SEMG1: variants seen among roughly 807,000 people sequenced by gnomAD.
SEMG1 encodes the protein semenogelin 1.
In SEMG1, 6 loss-of-function variants were observed where a neutral mutation model predicts 8.8. The observed-to-expected ratio is 0.68, with a 90% CI of 0.37 to 1.35. The LOEUF (loss-of-function observed/expected upper bound fraction) is 1.35. Among genes scored for constraint, SEMG1 ranks in the 40% most tolerant of loss-of-function variants. The pLI is 0.02. For missense variants in SEMG1, 580 were observed against 533.6 expected, an observed-to-expected ratio of 1.09 and a Z score of -0.86; for synonymous variants, 221 against 190.3, an observed-to-expected ratio of 1.16 and a Z score of -1.33.
rs199781597 is a variant in SEMG1, at chr20:45,207,575, C to T, written c.278C>T (p.Thr93Met). ...QQYDLNALHKTTKSQRHLGGS... is the reference protein window; with the variant it reads ...QQYDLNALHKMTKSQRHLGGS... ...TATGATTTGAATGCCCTACATAAGA[C>T]GACAAAATCACAACGACATCTAGGT... Residue 93 changes from threonine to methionine, a missense_variant, in exon 2 of 3, where the codon ACG (threonine) becomes ATG (methionine). Physicochemically the swap from Thr to Met is moderately conservative, Grantham distance 81. Coordinates refer to ENST00000372781, the MANE Select transcript of SEMG1 (RefSeq NM_003007.5). The T allele has an allele frequency of 3.2e-5, 52 of 1,613,390 alleles. No individual in the cohort carries two copies. The highest frequency in any genetic ancestry group is 1.6e-4 in the Middle Eastern group (1 of 6,080).
chr20:45,207,715 C>A lies in SEMG1; in HGVS notation c.418C>A (p.Gln140Lys). 1.9e-6 allele frequency: 3 copies of A among 1,613,918 alleles called. No individual in the cohort carries two copies. Among genetic ancestry groups the A allele is most frequent in the African/African-American group, 1.3e-5 (1 of 74,994 alleles). ...HKGGKAHRGT[Q>K]NPSQDQGNSP... ...AGGAGGCAAAGCTCATCGTGGGACA[C>A]AAAATCCTTCTCAAGATCAGGGGAA... The change falls in exon 2 of 3, where the codon CAA (glutamine) becomes AAA (lysine). Residue 140 changes from glutamine to lysine, a missense_variant. By Grantham distance (53) the Gln-to-Lys change is moderately conservative. Coordinates refer to ENST00000372781, the MANE Select transcript of SEMG1 (RefSeq NM_003007.5).
intron 2 of SEMG1, among the ~76,000 whole-genome samples, 160 bp from the exon 3 acceptor site, chr20:45,209,441 A>T (rs964724609): frequency 6.6e-6 from 1 of 152,206 alleles, no homozygotes; most frequent in African/African-American, 2.4e-5. Context: ...AGAGAGGGCA[A>T]GCAGTAGAAA....
Position 45,208,812 on chromosome 20 carries a change from T to C in SEMG1, c.*44+82T>C, listed in dbSNP as rs2233890. 462 of 679,402 alleles carry C rather than the reference T, an allele frequency of 6.8e-4. 1 individual carries two copies. In the African/African-American group the frequency reaches 7.6e-3, roughly 11 times the overall value. 42.1% of individuals were successfully genotyped at this position (679,402 alleles called of 1,614,324 possible). ...GGACTCTCCAGGACTTTTGTGGGAT[T>C]GATAACCATTGTTCGCACCAATAGA... On this transcript the variant is annotated intron_variant, in intron 2 of 2. Coordinates refer to ENST00000372781, the MANE Select transcript of SEMG1 (RefSeq NM_003007.5).
rs779707619 is a variant in SEMG1 at position 45,207,966 on chromosome 20, G to T, written c.669G>T (p.Val223=). Residue 223 remains valine, a synonymous_variant, in exon 2 of 3, where the codon GTG becomes GTT. Transcript: ENST00000372781. The part of the protein sequence containing the change: ...SHQNKGHYQN[V]VEVREEHSSK... ...AAAATAAAGGGCATTACCAAAATGT[G>T]GTTGAAGTGAGAGAGGAACATTCAA... The T allele has an allele frequency of 6.2e-7, 1 of 1,613,920 alleles. No individual in the cohort carries two copies. Among genetic ancestry groups the T allele is most frequent in the Non-Finnish European group, 8.5e-7 (1 of 1,179,956 alleles).
Position 45,207,501 on chromosome 20 carries a change from A to G in SEMG1, c.204A>G (p.Thr68=), listed in dbSNP as rs1983720431. 6.2e-7 allele frequency: 1 copy of G among 1,613,932 alleles called. No homozygotes were observed. ...AAGGCAGTTTTTCTATTCAATACAC[A>G]TATCATGTAGATGCCAATGATCATG... ...ESKGSFSIQY[T]YHVDANDHDQ... is the part of the protein sequence containing the mutation. The change falls in exon 2 of 3, where the codon ACA becomes ACG. Residue 68 remains threonine (T), a synonymous_variant. Coordinates refer to ENST00000372781, the MANE Select transcript of SEMG1 (RefSeq NM_003007.5).
Position 45,207,929 on chromosome 20 carries a change from A to C in SEMG1, c.632A>C (p.Lys211Thr), listed in dbSNP as rs766630735. 3 of 1,613,968 alleles carry C rather than the reference A, an allele frequency of 1.9e-6. No homozygotes were observed. The African/African-American group carries it at 4.0e-5, about 22-fold the overall frequency. The change falls in exon 2 of 3, where the codon AAA becomes ACA. Residue 211 changes from lysine to threonine, a missense_variant. Physicochemically the swap from Lys to Thr is moderately conservative, Grantham distance 78. Transcript: ENST00000372781. ...LVANKQQRET[K>T]NSHQNKGHYQ... ...GCTAACAAACAACAACGTGAGACTA[A>C]AAATTCTCATCAAAATAAAGGGCAT...
Position 45,208,194 on chromosome 20 carries a change from C to A in SEMG1, c.897C>A (p.His299Gln). The change falls in exon 2 of 3, where the codon CAC (histidine) becomes CAA (glutamine). Residue 299 changes from histidine to glutamine, a missense_variant. By Grantham distance (24) the His-to-Gln change is conservative (BLOSUM62 0). Transcript: ENST00000372781. ...CAAGTACAGAAGAAAGACGACTCCA[C>A]TATGGAGAAAATGGTGTGCAGAAAG... Reference protein sequence around the residue: ...QSSSTEERRLHYGENGVQKDV... With the variant: ...QSSSTEERRLQYGENGVQKDV... 6.2e-7 allele frequency: 1 copy of A among 1,613,506 alleles called. No homozygotes were observed. The highest frequency in any genetic ancestry group is 8.5e-7 in the Non-Finnish European group (1 of 1,179,718).
rs118141785 is a variant in SEMG1, at chr20:45,207,599, G to A, written c.302G>A (p.Gly101Asp). The A allele has an allele frequency of 3.5e-3, 5,651 of 1,613,610 alleles. 11 individuals carry two copies. Among genetic ancestry groups the A allele is most frequent in the Non-Finnish European group, 4.5e-3 (5,258 of 1,179,784 alleles). Residue 101 changes from glycine (G) to aspartate (D), a missense_variant, in exon 2 of 3, where the codon GGT becomes GAT. Coordinates refer to ENST00000372781, the MANE Select transcript of SEMG1 (RefSeq NM_003007.5). ...ACGACAAAATCACAACGACATCTAG[G>A]TGGAAGTCAACAACTGCTCCATAAT... is the stretch of plus-strand genomic sequence containing the variant. ...HKTTKSQRHL[G>D]GSQQLLHNKQ...
At position 45,207,924 on chromosome 20, in the gene SEMG1, G is replaced by A. The variant is rs1983739338; in HGVS notation, c.627G>A (p.Glu209=). 1.9e-6 allele frequency: 3 copies of A among 1,614,006 alleles called. No individual in the cohort carries two copies. In the East Asian group the frequency reaches 6.7e-5, roughly 36 times the overall value. Residue 209 remains glutamate (E), a synonymous_variant, in exon 2 of 3, where the codon GAG becomes GAA. Transcript: ENST00000372781. Reference sequence around the variant, plus strand: ...TAGTAGCTAACAAACAACAACGTGAGACTAAAAATTCTCATCAAAATAAAG... The same window carrying A: ...TAGTAGCTAACAAACAACAACGTGAAACTAAAAATTCTCATCAAAATAAAG... ...EELVANKQQR[E]TKNSHQNKGH... is the part of the protein sequence containing the mutation.
At position 45,208,731 on chromosome 20, in the gene SEMG1, G is replaced by T; in HGVS notation, c.*44+1G>T. ...TGTGAAAGGATGGACCAATATCAAGGTAATTTTTTTTTAGCAAATAGGGGA... is the reference window on the plus strand; with the variant it reads ...TGTGAAAGGATGGACCAATATCAAGTTAATTTTTTTTTAGCAAATAGGGGA... On this transcript the variant is annotated splice_donor_variant, in intron 2 of 2. Coordinates refer to ENST00000372781, the MANE Select transcript of SEMG1 (RefSeq NM_003007.5). LOFTEE classifies it low-confidence loss of function (3UTR_SPLICE). 1 of 1,405,152 alleles carries T rather than the reference G, an allele frequency of 7.1e-7. No individual in the cohort carries two copies. Among genetic ancestry groups the T allele is most frequent in the South Asian group, 1.3e-5 (1 of 74,118 alleles). The allele number at this position is 1,405,152 out of a possible 1,614,324, so 87.0% of individuals were successfully genotyped here.
chr20:45,207,193 G>C, intron 1 of SEMG1, 64 bp downstream of exon 1: 1 of 1,602,266 alleles, frequency 6.2e-7, no homozygotes, highest in Non-Finnish European at 8.5e-7. Context: ...AGATTATTTG[G>C]GGTGCAAACA....
In SEMG1 at chr20:45,207,116, G is replaced by A; in HGVS notation, c.63G>A (p.Val21=). ...TCATCTTGGAGAAGCAAGCAGCTGTGATGGGACAAAAAGGTGAGTGGAGAG... is the reference window on the plus strand; with the variant it reads ...TCATCTTGGAGAAGCAAGCAGCTGTAATGGGACAAAAAGGTGAGTGGAGAG... The part of the protein sequence containing the change: ...LLLILEKQAA[V]MGQKGGSKGR... Residue 21 remains valine (V), a synonymous_variant, in exon 1 of 3, where the codon GTG becomes GTA. Coordinates refer to ENST00000372781, the MANE Select transcript of SEMG1 (RefSeq NM_003007.5). The A allele has an allele frequency of 1.8e-5, 29 of 1,613,774 alleles. No homozygotes were observed. The highest frequency in any genetic ancestry group is 2.4e-5 in the Non-Finnish European group (28 of 1,179,788).
chr20:45,208,553 G>A lies in SEMG1; in HGVS notation c.1256G>A (p.Ser419Asn). 2 of 1,614,046 alleles carry A rather than the reference G, an allele frequency of 1.2e-6. No homozygotes were observed. Among genetic ancestry groups the A allele is most frequent in the South Asian group, 1.1e-5 (1 of 91,084 alleles). ...QSTNREQDLL[S>N]HEQKGRHQHG... ...ACAAATAGAGAACAAGACCTACTCA[G>A]TCATGAACAAAAAGGCAGACACCAA... Residue 419 changes from serine to asparagine, a missense_variant, in exon 2 of 3, where the codon AGT (serine) becomes AAT (asparagine). By Grantham distance (46) the Ser-to-Asn change is conservative (BLOSUM62 1). Transcript: ENST00000372781.
intron 2 of SEMG1, 80 bp downstream of exon 2, chr20:45,208,810 A>T: frequency 1.5e-6 from 1 of 678,302 alleles, no homozygotes; most frequent in Non-Finnish European, 2.5e-6. Context: ...CTTTTGTGGG[A>T]TTGATAACCA....
In SEMG1 at chr20:45,208,618, C is replaced by T; in HGVS notation, c.1321C>T (p.Gln441Ter). The T allele has an allele frequency of 6.2e-7, 1 of 1,613,568 alleles. No homozygotes were observed. The highest frequency in any genetic ancestry group is 1.1e-5 in the South Asian group (1 of 90,916). Residue 441 changes from glutamine to a stop codon, truncating the protein, a stop_gained, in exon 2 of 3, where the codon CAG becomes TAG. Coordinates refer to ENST00000372781, the MANE Select transcript of SEMG1 (RefSeq NM_003007.5). LOFTEE classifies it low-confidence loss of function (END_TRUNC). ...GGGATTGGATATTGTAATTATAGAG[C>T]AGGAAGATGACAGTGATCGTCATTT... ...HGGLDIVIIE[Q>*]EDDSDRHLAQ... is the part of the protein sequence containing the mutation.
chr20:45,207,285 A>C (rs2145582997), intron 1 of SEMG1, 89 bp from the exon 2 acceptor site: 1 of 1,453,298 alleles, frequency 6.9e-7, no homozygotes, highest in Non-Finnish European at 9.4e-7. Flanking sequence ...TAGAAATATC[A>C]ATAATTTGTT....
In SEMG1 at chr20:45,207,852, A is replaced by G; in HGVS notation, c.555A>G (p.Arg185=). 2 of 1,614,110 alleles carry G rather than the reference A, an allele frequency of 1.2e-6. No individual in the cohort carries two copies. Among genetic ancestry groups the G allele is most frequent in the Non-Finnish European group, 1.7e-6 (2 of 1,179,978 alleles). ...CCGTCTCTGGTGCACAAAAAGGTAG[A>G]AAACAAGGCGGATCCCAAAGCAGTT... ...QTSVSGAQKG[R]KQGGSQSSYV... is the part of the protein sequence containing the mutation. Residue 185 remains arginine (R), a synonymous_variant, in exon 2 of 3, where the codon AGA becomes AGG. Transcript: ENST00000372781.
chr20:45,207,115 T>C lies in SEMG1; in HGVS notation c.62T>C (p.Val21Ala), dbSNP rs372918684. 1.2e-6 allele frequency: 2 copies of C among 1,613,758 alleles called. No individual in the cohort carries two copies. Among genetic ancestry groups the C allele is most frequent in the Non-Finnish European group, 1.7e-6 (2 of 1,179,790 alleles). ...LLLILEKQAA[V>A]MGQKGGSKGR... ...CTCATCTTGGAGAAGCAAGCAGCTG[T>C]GATGGGACAAAAAGGTGAGTGGAGA... The change falls in exon 1 of 3, where the codon GTG (valine) becomes GCG (alanine). Residue 21 changes from valine to alanine, a missense_variant. By Grantham distance (64) the Val-to-Ala change is moderately conservative. Coordinates refer to ENST00000372781, the MANE Select transcript of SEMG1 (RefSeq NM_003007.5).
rs1342149975 is a variant in SEMG1, at chr20:45,207,523, C to T, written c.226C>T (p.His76Tyr). ...QYTYHVDAND[H>Y]DQSRKSQQYD... ...CACATATCATGTAGATGCCAATGAT[C>T]ATGACCAGTCCCGAAAAAGTCAGCA... The change falls in exon 2 of 3, where the codon CAT (histidine) becomes TAT (tyrosine). Residue 76 changes from histidine (H) to tyrosine (Y), a missense_variant. Physicochemically the swap from His to Tyr is moderately conservative, Grantham distance 83. Coordinates refer to ENST00000372781, the MANE Select transcript of SEMG1 (RefSeq NM_003007.5). 6.2e-7 allele frequency: 1 copy of T among 1,613,750 alleles called. No homozygotes were observed. The highest frequency in any genetic ancestry group is 8.5e-7 in the Non-Finnish European group (1 of 1,179,840).
Sources: allele counts gnomAD v4.1 joint callset (sites outside exome capture counted in the v4.1 genomes callset), GRCh38; gene constraint gnomAD v4.1.1; transcripts MANE v1.5; gene names NCBI Gene and HGNC (gene_info 2026-07-23, HGNC 2026-07-21).